SPOCK3: variants seen among roughly 807,000 people sequenced by gnomAD.
SPOCK3 encodes the protein testican-3.
Under a neutral mutation model 56.6 loss-of-function variants are expected in SPOCK3, and 30 were observed. The observed-to-expected ratio is 0.53, with a 90% CI of 0.40 to 0.72. The LOEUF (loss-of-function observed/expected upper bound fraction) is 0.72, where lower values mean the gene tolerates loss of function less well. Among genes scored for constraint, SPOCK3 ranks in the 30% least tolerant of loss-of-function variants. The probability of loss-of-function intolerance (pLI) is 0.00; values close to 1 mark genes in which losing one functional copy is unlikely to be tolerated. For synonymous variants in SPOCK3, 196 were observed against 183.3 expected (o/e 1.07, Z -0.56); for missense variants, 527 against 530.0 (o/e 0.99, Z 0.06).
intron 7 of SPOCK3, among the ~76,000 whole-genome samples, chr4:166,780,876 C>T (rs1317934980): frequency 6.6e-6 from 1 of 152,098 alleles, no homozygotes; most frequent in African/African-American, 2.4e-5. Context: ...CTCTCTGAGG[C>T]TCAGTTGCAA....
intron 2 of SPOCK3, among the ~76,000 whole-genome samples, chr4:167,126,223 T>C (rs1362032957): frequency 1.3e-5 from 2 of 152,176 alleles, no homozygotes; most frequent in East Asian, 1.9e-4. Flanking sequence ...GTCCACAGTC[T>C]GACTGGACAA....
chr4:166,741,747 G>A (rs1011357833), intron 9 of SPOCK3, among the ~76,000 whole-genome samples: 5 of 151,938 alleles, frequency 3.3e-5, no homozygotes, highest in South Asian at 4.1e-4. Flanking sequence ...CTTTAGCATT[G>A]CTTAAATCTT....
chr4:166,978,572 C>G (rs889246230), intron 4 of SPOCK3, among the ~76,000 whole-genome samples: 2 of 152,004 alleles, frequency 1.3e-5, no homozygotes, highest in African/African-American at 4.8e-5. Context: ...TATTGTATAC[C>G]CACCATGTTC....
intron 5 of SPOCK3, among the ~76,000 whole-genome samples, chr4:166,902,965 A>C (rs1172059690): frequency 6.6e-6 from 1 of 150,730 alleles, no homozygotes; most frequent in Non-Finnish European, 1.5e-5. Context: ...TTAGAATTTT[A>C]AGTATTTAAA....
At chr4:166,773,632 A>G (rs1739206256) in intron 7 of SPOCK3, among the ~76,000 whole-genome samples, 1 of 152,126 alleles carries the variant, frequency 6.6e-6, no homozygotes, top group South Asian at 2.1e-4. Context: ...GCTCTTAAAT[A>G]TTGGTATTCT....
At chr4:167,205,359 T>TA (rs1734057932) in intron 2 of SPOCK3, among the ~76,000 whole-genome samples, 1 of 36,822 alleles carries the variant, frequency 2.7e-5, no homozygotes, top group Non-Finnish European at 4.2e-5. Context: ...ATAATATATA[T>TA]ATTATATATT....
intron 7 of SPOCK3, among the ~76,000 whole-genome samples, chr4:166,765,704 T>C (rs565334453): frequency 6.6e-6 from 1 of 152,328 alleles, no homozygotes; most frequent in African/African-American, 2.4e-5. Flanking sequence ...TTTAAAGTAG[T>C]TTTTTCCAAT....
chr4:166,914,412 T>G (rs566220514), intron 4 of SPOCK3, among the ~76,000 whole-genome samples: 26 of 152,326 alleles, frequency 1.7e-4, no homozygotes, highest in African/African-American at 4.8e-4. Flanking sequence ...ATAACATTTA[T>G]GACTTAGAAA....
intron 3 of SPOCK3, among the ~76,000 whole-genome samples, chr4:167,032,873 C>A (rs1266028956): frequency 1.3e-5 from 2 of 151,932 alleles, no homozygotes. Context: ...TCTTAAGATG[C>A]TAATGAGACA....
chr4:167,129,841 T>C (rs2150379257), intron 2 of SPOCK3, among the ~76,000 whole-genome samples: 1 of 152,284 alleles, frequency 6.6e-6, no homozygotes, highest in South Asian at 2.1e-4. Flanking sequence ...GTGAGATATA[T>C]ATTATTTAAA....
At chr4:167,045,218 T>C (rs1173248386) in intron 3 of SPOCK3, among the ~76,000 whole-genome samples, 1 of 152,102 alleles carries the variant, frequency 6.6e-6, no homozygotes, top group African/African-American at 2.4e-5. Flanking sequence ...CTTCTGCTTA[T>C]TTTTTATTAG....
At chr4:167,116,585 T>TTTATATATATACGTATATACTATATAC (rs1491119807) in intron 2 of SPOCK3, among the ~76,000 whole-genome samples, 1 of 113,600 alleles carries the variant, frequency 8.8e-6, no homozygotes, top group African/African-American at 3.6e-5. Flanking sequence ...TATATAGTTT[T>TTTATATATATACGTATATACTATATAC]GTATATATAT....
Position 166,906,433 on chromosome 4 carries a change from A to C in SPOCK3, c.474+6187T>G, listed in dbSNP as rs538110640. Among the ~76,000 whole-genome samples the C allele has an allele frequency of 1.0e-3, 155 of 150,308 alleles. 1 individual carries two copies. The highest frequency in any genetic ancestry group is 1.7e-3 in the Non-Finnish European group (116 of 67,498). On this transcript the variant is annotated intron_variant, in intron 5 of 10. Coordinates refer to ENST00000357545, the MANE Select transcript of SPOCK3 (RefSeq NM_001040159.2). ...AATTTTCCCATCTCTGCTTCTCAAAATGGTGGGATTATAGGCGTAAGCCAC... is the reference window on the plus strand; with the variant it reads ...AATTTTCCCATCTCTGCTTCTCAAACTGGTGGGATTATAGGCGTAAGCCAC...
intron 4 of SPOCK3, among the ~76,000 whole-genome samples, chr4:166,922,180 C>T (rs780082618): frequency 6.6e-6 from 1 of 152,154 alleles, no homozygotes; most frequent in Admixed American, 6.5e-5. Context: ...CTCCCACTCC[C>T]CTGTAAACCA....
At chr4:167,212,629 T>C (rs1208522592) in intron 2 of SPOCK3, among the ~76,000 whole-genome samples, 1 of 152,152 alleles carries the variant, frequency 6.6e-6, no homozygotes, top group East Asian at 1.9e-4. Context: ...ATTTTTCTAT[T>C]CCTATTGCTT....
At chr4:167,114,764 C>T (rs548369900) in intron 2 of SPOCK3, among the ~76,000 whole-genome samples, 2 of 152,114 alleles carry the variant, frequency 1.3e-5, no homozygotes, top group Admixed American at 6.6e-5. Flanking sequence ...TAAAACTCAG[C>T]CTTGATATGA....
At chr4:167,099,502 T>C (rs1425985853) in intron 2 of SPOCK3, among the ~76,000 whole-genome samples, 1 of 152,008 alleles carries the variant, frequency 6.6e-6, no homozygotes, top group Non-Finnish European at 1.5e-5. Flanking sequence ...CTGCAAAAGT[T>C]GGAGATAATG....
chr4:167,211,291 A>G (rs1734846933), intron 2 of SPOCK3, among the ~76,000 whole-genome samples: 1 of 152,156 alleles, frequency 6.6e-6, no homozygotes, highest in African/African-American at 2.4e-5. Context: ...TTGATTTTAC[A>G]GGCTCATAGG....
intron 9 of SPOCK3, among the ~76,000 whole-genome samples, chr4:166,741,516 C>G (rs1366785397): frequency 6.6e-6 from 1 of 152,112 alleles, no homozygotes; most frequent in Non-Finnish European, 1.5e-5. Context: ...TCTGAAATAT[C>G]TATCTACTTA....
Sources: allele counts gnomAD v4.1 joint callset (sites outside exome capture counted in the v4.1 genomes callset), GRCh38; gene constraint gnomAD v4.1.1; transcripts MANE v1.5; gene names NCBI Gene and HGNC (gene_info 2026-07-23, HGNC 2026-07-21).